Variants in ITPR2 observed in about 807,000 individuals in gnomAD.
ITPR2 encodes inositol 1,4,5-trisphosphate-gated calcium channel ITPR2.
ITPR2 carries 207 observed loss-of-function variants against 317.1 expected under a neutral mutation model. The observed-to-expected ratio is 0.65, with a 90% CI of 0.58 to 0.73. The LOEUF (loss-of-function observed/expected upper bound fraction) is 0.73, where lower values mean the gene tolerates loss of function less well. Among genes scored for constraint, ITPR2 ranks in the 30% least tolerant of loss-of-function variants. The pLI is 0.00. For missense variants in ITPR2, 2,613 were observed against 3,284.0 expected (o/e 0.80, Z 4.99); for synonymous variants, 1,156 against 1,149.1 (o/e 1.01, Z -0.12).
chr12:26,422,853 A>T (rs1940940597), intron 49 of ITPR2, among the ~76,000 whole-genome samples: 1 of 151,834 alleles, frequency 6.6e-6, no homozygotes, highest in South Asian at 2.1e-4. Context: ...GTGATTTTCA[A>T]CTCCATTACC....
At chr12:26,556,209 G>C (rs200740582) in intron 36 of ITPR2, 24 bp downstream of exon 36, 1 of 1,610,034 alleles carries the variant, frequency 6.2e-7, no homozygotes. Context: ...GACACTAGCA[G>C]AATCTCAGAT....
chr12:26,351,030 C>A (rs994545321), intron 55 of ITPR2, among the ~76,000 whole-genome samples: 3 of 152,206 alleles, frequency 2.0e-5, no homozygotes, highest in Admixed American at 6.5e-5. Context: ...GCAGCTTAGA[C>A]GGCTGGCAAG....
At chr12:26,474,793 CAAAA>C (rs10616680) in intron 45 of ITPR2, among the ~76,000 whole-genome samples, 9 of 84,082 alleles carry the variant, frequency 1.1e-4, no homozygotes, top group African/African-American at 1.5e-4. Flanking sequence ...GACTCCGTCT[CAAAA>C]AAAAAAAAAA....
intron 21 of ITPR2, among the ~76,000 whole-genome samples, chr12:26,640,388 AC>A (rs750839984): frequency 1.3e-4 from 20 of 152,292 alleles, no homozygotes; most frequent in Non-Finnish European, 2.2e-4. Flanking sequence ...TTAAAAAAAA[AC>A]ATATACTTAG....
chr12:26,746,822 A>ATGTGTGTGTG (rs34449902), intron 2 of ITPR2, among the ~76,000 whole-genome samples: 1 of 147,658 alleles, frequency 6.8e-6, no homozygotes, highest in African/African-American at 2.5e-5. Flanking sequence ...GGGTGCATGC[A>ATGTGTGTGTG]TGTGTGTGTG....
intron 37 of ITPR2, among the ~76,000 whole-genome samples, chr12:26,523,426 C>T (rs1233386325): frequency 6.6e-6 from 1 of 152,148 alleles, no homozygotes; most frequent in Non-Finnish European, 1.5e-5. Context: ...CAAATTATCA[C>T]TGTATCAATT....
At chr12:26,403,603 G>C (rs887944287) in intron 52 of ITPR2, among the ~76,000 whole-genome samples, 1 of 152,084 alleles carries the variant, frequency 6.6e-6, no homozygotes, top group Admixed American at 6.6e-5. Flanking sequence ...GGGTGACAGA[G>C]AGACTCTGTC....
Position 26,595,355 on chromosome 12 carries a change from T to C in ITPR2, c.4380+110A>G, listed in dbSNP as rs78056821. ...ATTTATTCACAACTTTATGAATGAA[T>C]GCAACAAATCAAAAGGTAGTGAATT... is the stretch of plus-strand genomic sequence containing the variant. On this transcript the variant is annotated intron_variant, in intron 32 of 56. Coordinates refer to ENST00000381340, the MANE Select transcript of ITPR2 (RefSeq NM_002223.4). The C allele has an allele frequency of 3.4e-3, 3,473 of 1,015,486 alleles. 84 individuals are homozygous for C. In the African/African-American group the frequency reaches 0.052, roughly 15 times the overall value. 62.9% of individuals were successfully genotyped at this position (1,015,486 alleles called of 1,614,324 possible).
chr12:26,759,771 T>A (rs1011393548), intron 2 of ITPR2, among the ~76,000 whole-genome samples: 1 of 152,208 alleles, frequency 6.6e-6, no homozygotes, highest in African/African-American at 2.4e-5. Flanking sequence ...TTCTAGTGAT[T>A]AGTGACAACT....
At chr12:26,819,719 CA>C (rs1173846008) in intron 1 of ITPR2, among the ~76,000 whole-genome samples, 13 of 151,434 alleles carry the variant, frequency 8.6e-5, no homozygotes. Context: ...ACTGAATTTA[CA>C]GAAATATTAA....
intron 2 of ITPR2, among the ~76,000 whole-genome samples, chr12:26,779,249 C>T (rs766235557): frequency 1.3e-5 from 2 of 152,194 alleles, no homozygotes; most frequent in Non-Finnish European, 2.9e-5. Context: ...CCATCTTCTG[C>T]AGATAACTAC....
chr12:26,412,492 C>T (rs2136673211), intron 51 of ITPR2, among the ~76,000 whole-genome samples: 1 of 152,234 alleles, frequency 6.6e-6, no homozygotes, highest in African/African-American at 2.4e-5. Context: ...CATTCCCTTA[C>T]TTAATACTTA....
At chr12:26,788,402 C>T (rs1312155278) in intron 2 of ITPR2, among the ~76,000 whole-genome samples, 1 of 152,206 alleles carries the variant, frequency 6.6e-6, no homozygotes, top group Non-Finnish European at 1.5e-5. Flanking sequence ...ACACAGGCAG[C>T]AAGCAGTACA....
intron 11 of ITPR2, among the ~76,000 whole-genome samples, chr12:26,682,929 T>C (rs1223887753): frequency 2.0e-5 from 3 of 152,168 alleles, no homozygotes; most frequent in Non-Finnish European, 4.4e-5. Context: ...TTGTTAGAAA[T>C]ACAAATTCTG....
intron 1 of ITPR2, among the ~76,000 whole-genome samples, chr12:26,815,775 C>T (rs1950841592): frequency 6.6e-6 from 1 of 152,096 alleles, no homozygotes; most frequent in African/African-American, 2.4e-5. Context: ...TTTGAACAGC[C>T]TACTAAACAA....
intron 37 of ITPR2, among the ~76,000 whole-genome samples, chr12:26,537,729 T>C (rs1193674360): frequency 6.6e-6 from 1 of 152,232 alleles, no homozygotes; most frequent in Non-Finnish European, 1.5e-5. Context: ...ATTCCATGAC[T>C]GTATAAGTAA....
At chr12:26,515,834 G>A (rs1943472937) in intron 37 of ITPR2, among the ~76,000 whole-genome samples, 1 of 152,006 alleles carries the variant, frequency 6.6e-6, no homozygotes, top group Non-Finnish European at 1.5e-5. Flanking sequence ...GAGGGCCCGG[G>A]TATGGTGGCT....
intron 18 of ITPR2, 124 bp from the exon 19 acceptor site, chr12:26,656,672 A>AGAGTTTG: frequency 1.1e-6 from 1 of 935,644 alleles, no homozygotes; most frequent in Non-Finnish European, 1.6e-6. Context: ...ATTGGAGTCA[A>AGAGTTTG]ACTCTTGACT....
chr12:26,519,091 G>C (rs1943600696), intron 37 of ITPR2, among the ~76,000 whole-genome samples: 1 of 152,170 alleles, frequency 6.6e-6, no homozygotes, highest in South Asian at 2.1e-4. Flanking sequence ...TAGTTTCACA[G>C]GGAACTTCTC....
Sources: gnomAD v4.1 joint callset for allele counts (sites outside exome capture counted in the v4.1 genomes callset) on GRCh38, gnomAD v4.1.1 for gene constraint, MANE v1.5 for transcripts, NCBI Gene and HGNC (gene_info 2026-07-23, HGNC 2026-07-21) for gene names.